The following PACSIN2 variants were observed in gnomAD, a reference collection of about 807,000 sequenced individuals.
PACSIN2 encodes protein kinase C and casein kinase substrate in neurons protein 2.
A neutral mutation model predicts 63.8 loss-of-function variants in PACSIN2; 25 were observed. The ratio of observed to expected loss-of-function variants is 0.39; its 90% CI spans 0.29 to 0.55. The LOEUF is 0.55. PACSIN2 is among the 20% of genes least tolerant of loss of function. The probability of loss-of-function intolerance (pLI) is 0.62; values close to 1 mark genes in which losing one functional copy is unlikely to be tolerated. For missense variants in PACSIN2, 518 were observed against 646.9 expected, an observed-to-expected ratio of 0.80 and a Z score of 2.16; for synonymous variants, 255 against 256.2, an observed-to-expected ratio of 1.00 and a Z score of 0.05.
At chr22:42,942,225 C>T (rs190868490) in intron 1 of PACSIN2, among the ~76,000 whole-genome samples, 1 of 151,712 alleles carries the variant, frequency 6.6e-6, no homozygotes, top group Admixed American at 6.6e-5. Flanking sequence ...CAGATGTGAG[C>T]CAATGCACCC....
At chr22:42,953,607 A>G (rs1933792797) in intron 1 of PACSIN2, among the ~76,000 whole-genome samples, 1 of 152,226 alleles carries the variant, frequency 6.6e-6, no homozygotes, top group Non-Finnish European at 1.5e-5. Flanking sequence ...TTTGAGAGCT[A>G]TATATTTAAA....
chr22:42,974,912 C>T (rs1372875127), intron 1 of PACSIN2, among the ~76,000 whole-genome samples: 2 of 151,992 alleles, frequency 1.3e-5, no homozygotes, highest in Non-Finnish European at 2.9e-5. Context: ...TCCTCTCCAC[C>T]CCAGATTGAT....
chr22:42,943,573 T>A (rs149236431), intron 1 of PACSIN2, among the ~76,000 whole-genome samples: 1 of 152,334 alleles, frequency 6.6e-6, no homozygotes, highest in African/African-American at 2.4e-5. Context: ...GTTTGCTGAG[T>A]GTTTCTGTCA....
rs367555600 is a variant in PACSIN2, at chr22:42,876,974, C to A, written c.1065G>T (p.Ala355=). 1 of 1,614,126 alleles carries A rather than the reference C, an allele frequency of 6.2e-7. No homozygotes were observed. The highest frequency in any genetic ancestry group is 1.7e-5 in the Admixed American group (1 of 60,024). The change falls in exon 9 of 11, where the codon GCG becomes GCT. Residue 355 remains alanine (A), a synonymous_variant. Transcript: ENST00000263246. ...AGGGGTTGTAGCTGGACTGTGACTG[C>A]GCAGACTGGGCGGGGTTGCTCGGGA... ...LNVPSNPAQS[A]QSQSSYNPFE...
intron 1 of PACSIN2, among the ~76,000 whole-genome samples, chr22:42,985,585 G>A (rs1922550115): frequency 6.6e-6 from 1 of 152,270 alleles, no homozygotes; most frequent in East Asian, 1.9e-4. Flanking sequence ...CCCCTGAGAA[G>A]GACCCACCTG....
At chr22:42,934,093 G>C (rs1383219321) in intron 1 of PACSIN2, among the ~76,000 whole-genome samples, 1 of 152,198 alleles carries the variant, frequency 6.6e-6, no homozygotes, top group Non-Finnish European at 1.5e-5. Flanking sequence ...GTGAGACAAA[G>C]AGAGTAAAAA....
rs139370376 is a variant in PACSIN2, at chr22:42,976,204, G to A, written c.-78+38817C>T. ...CTGCCAGGCTAACCCACCCACTGCT[G>A]ACCCTCCTCACTCTAAATGTCACAG... is the stretch of plus-strand genomic sequence containing the variant. On this transcript the variant is annotated intron_variant, in intron 1 of 10. Coordinates refer to ENST00000263246, the MANE Select transcript of PACSIN2 (RefSeq NM_001184970.3). Among the ~76,000 whole-genome samples the A allele has an allele frequency of 5.3e-3, 803 of 152,340 alleles. 9 individuals carry two copies. Among genetic ancestry groups the A allele is most frequent in the Non-Finnish European group, 6.2e-3 (424 of 68,026 alleles).
chr22:42,922,247 C>T (rs909268642), intron 1 of PACSIN2, among the ~76,000 whole-genome samples: 53 of 152,326 alleles, frequency 3.5e-4, no homozygotes, highest in African/African-American at 1.3e-3. Context: ...GGCATAACCT[C>T]CTTCCTCCCC....
chr22:43,003,931 T>C (rs1267615899), intron 1 of PACSIN2, among the ~76,000 whole-genome samples: 1 of 152,214 alleles, frequency 6.6e-6, no homozygotes, highest in Non-Finnish European at 1.5e-5. Context: ...TTTGTGCCCT[T>C]ATCTCCCTGC....
intron 1 of PACSIN2, among the ~76,000 whole-genome samples, chr22:42,993,366 C>A (rs1364875874): frequency 2.6e-5 from 4 of 152,142 alleles, no homozygotes; most frequent in Non-Finnish European, 5.9e-5. Flanking sequence ...ATCTTCTTTG[C>A]AATGATGGCT....
At chr22:42,933,689 C>T (rs992090339) in intron 1 of PACSIN2, among the ~76,000 whole-genome samples, 7 of 152,230 alleles carry the variant, frequency 4.6e-5, no homozygotes, top group Non-Finnish European at 8.8e-5. Context: ...TCACAGCCCC[C>T]GCACCCTGCA....
chr22:42,948,678 G>A lies in PACSIN2; in HGVS notation c.-77-36521C>T, dbSNP rs1933541277. Among the ~76,000 whole-genome samples the A allele has an allele frequency of 2.0e-5, 3 of 152,122 alleles. No homozygotes were observed. In the South Asian group the frequency reaches 6.2e-4, roughly 32 times the overall value. ...AAAAAATTTTAAGTACAAACCATGA[G>A]AGGATTTGGTTTTCAAATATTTTCT... On this transcript the variant is annotated intron_variant, in intron 1 of 10. Transcript: ENST00000263246.
At chr22:42,970,672 C>T (rs192748174) in intron 1 of PACSIN2, among the ~76,000 whole-genome samples, 2 of 152,256 alleles carry the variant, frequency 1.3e-5, no homozygotes, top group East Asian at 3.9e-4. Context: ...ACAATGTGGT[C>T]TTCTTTTTAA....
chr22:42,874,235 G>A (rs1928397580), intron 10 of PACSIN2, among the ~76,000 whole-genome samples: 1 of 151,392 alleles, frequency 6.6e-6, no homozygotes, highest in African/African-American at 2.4e-5. Flanking sequence ...GACTGCTTGA[G>A]CCCAGGAGAT....
At chr22:42,971,339 A>G (rs1470572813) in intron 1 of PACSIN2, among the ~76,000 whole-genome samples, 1 of 152,112 alleles carries the variant, frequency 6.6e-6, no homozygotes, top group East Asian at 1.9e-4. Flanking sequence ...TGCCCGCCTC[A>G]GCCTCCCGAG....
At chr22:42,905,279 C>T (rs1031843369) in intron 2 of PACSIN2, among the ~76,000 whole-genome samples, 1 of 152,264 alleles carries the variant, frequency 6.6e-6, no homozygotes, top group Admixed American at 6.5e-5. Context: ...AAGGTGACCT[C>T]ATTCATCCAC....
chr22:43,006,063 G>C (rs1312759962), intron 1 of PACSIN2, among the ~76,000 whole-genome samples: 1 of 152,066 alleles, frequency 6.6e-6, no homozygotes, highest in Non-Finnish European at 1.5e-5. Flanking sequence ...AAAGTGTTGA[G>C]ATTACAGGCA....
intron 1 of PACSIN2, among the ~76,000 whole-genome samples, chr22:42,988,970 C>T (rs1030448406): frequency 1.3e-5 from 2 of 152,062 alleles, no homozygotes; most frequent in African/African-American, 4.8e-5. Flanking sequence ...GCCTTGACTT[C>T]CTAGGCTCAA....
chr22:42,969,740 A>T (rs1423936958), intron 1 of PACSIN2, among the ~76,000 whole-genome samples: 2 of 151,988 alleles, frequency 1.3e-5, no homozygotes, highest in Non-Finnish European at 2.9e-5. Flanking sequence ...CGTGTTCGAG[A>T]CCAGCCTGGG....
Sources: gnomAD v4.1 joint callset for allele counts (sites outside exome capture counted in the v4.1 genomes callset) on GRCh38, gnomAD v4.1.1 for gene constraint, MANE v1.5 for transcripts, NCBI Gene and HGNC (gene_info 2026-07-23, HGNC 2026-07-21) for gene names.